Variants in NRXN3 observed in about 807,000 individuals in gnomAD.
The protein encoded by NRXN3 is neurexin III.
In NRXN3, 32 loss-of-function variants were observed where a neutral mutation model predicts 137.6. That is an observed-to-expected ratio of 0.23 (90% CI 0.18 to 0.31). The LOEUF is 0.31. Among genes scored for constraint, NRXN3 ranks in the 10% least tolerant of loss-of-function variants. The pLI, the probability that NRXN3 is intolerant of heterozygous loss-of-function variation, is 1.00. For synonymous variants in NRXN3, 798 were observed against 784.5 expected (o/e 1.02, Z -0.29); for missense variants, 1,574 against 2,062.5 (o/e 0.76, Z 4.59).
At chr14:78,944,340 C>G (rs1597717666) in intron 10 of NRXN3, among the ~76,000 whole-genome samples, 1 of 152,132 alleles carries the variant, frequency 6.6e-6, no homozygotes, top group East Asian at 1.9e-4. Flanking sequence ...TGCAGGGACT[C>G]AGGATTCGCT....
intron 6 of NRXN3, among the ~76,000 whole-genome samples, chr14:78,704,650 A>T (rs1205200232): frequency 6.6e-6 from 1 of 152,104 alleles, no homozygotes; most frequent in Non-Finnish European, 1.5e-5. Context: ...CCCTCTCTGG[A>T]GCATATCCTT....
intron 15 of NRXN3, among the ~76,000 whole-genome samples, chr14:79,445,987 A>G (rs924036928): frequency 6.6e-6 from 1 of 152,188 alleles, no homozygotes; most frequent in Admixed American, 6.5e-5. Context: ...TTAAAGATCC[A>G]TTTATTGATT....
intron 4 of NRXN3, among the ~76,000 whole-genome samples, chr14:78,634,152 C>T (rs2097547020): frequency 6.6e-6 from 1 of 152,260 alleles, no homozygotes; most frequent in South Asian, 2.1e-4. Context: ...ACTACCCCAT[C>T]ATAACAGATT....
chr14:79,707,179 A>G (rs2098783825), intron 19 of NRXN3, among the ~76,000 whole-genome samples: 1 of 152,220 alleles, frequency 6.6e-6, no homozygotes, highest in South Asian at 2.1e-4. Context: ...TCATCATTGG[A>G]CATTTAGAGC....
At chr14:79,851,262 C>T (rs1442213806) in intron 20 of NRXN3, among the ~76,000 whole-genome samples, 2 of 152,048 alleles carry the variant, frequency 1.3e-5, no homozygotes, top group East Asian at 1.9e-4. Context: ...TGAGACCGAC[C>T]ATATATGCAT....
At position 78,377,352 on chromosome 14, in the gene NRXN3, A is replaced by G. The variant is rs2088073855; in HGVS notation, c.757+79492A>G. On this transcript the variant is annotated intron_variant, in intron 4 of 20. Coordinates refer to ENST00000335750, the MANE Select transcript of NRXN3 (RefSeq NM_001330195.2). Reference sequence around the variant, plus strand: ...TGATAAAATGGTCAGTGTACCAAGAACACTGCAATCCTAAATGTACATGTA... The same window carrying G: ...TGATAAAATGGTCAGTGTACCAAGAGCACTGCAATCCTAAATGTACATGTA... Among the ~76,000 whole-genome samples the G allele has an allele frequency of 3.9e-5, 6 of 152,248 alleles. No homozygotes were observed. In the South Asian group the frequency reaches 1.2e-3, roughly 32 times the overall value.
chr14:79,166,195 G>A (rs1238887370), intron 15 of NRXN3, among the ~76,000 whole-genome samples: 1 of 151,914 alleles, frequency 6.6e-6, no homozygotes, highest in African/African-American at 2.4e-5. Context: ...CATGCTAGGT[G>A]GTCTGAAATC....
intron 15 of NRXN3, among the ~76,000 whole-genome samples, chr14:79,223,418 C>T (rs569575285): frequency 6.6e-6 from 1 of 152,230 alleles, no homozygotes; most frequent in South Asian, 2.1e-4. Flanking sequence ...TTTTAATATT[C>T]TCTTATCCTG....
chr14:78,289,812 G>C, intron 3 of NRXN3, among the ~76,000 whole-genome samples: 1 of 152,174 alleles, frequency 6.6e-6, no homozygotes, highest in East Asian at 1.9e-4. Context: ...CACTGGGAAG[G>C]CTGGGGCAGG....
At chr14:78,528,436 T>C (rs945743216) in intron 4 of NRXN3, among the ~76,000 whole-genome samples, 1 of 152,138 alleles carries the variant, frequency 6.6e-6, no homozygotes, top group Non-Finnish European at 1.5e-5. Flanking sequence ...GTAGCCAGGA[T>C]GTGGGATGTA....
At chr14:79,291,972 T>A (rs1209512099) in intron 15 of NRXN3, among the ~76,000 whole-genome samples, 1 of 152,172 alleles carries the variant, frequency 6.6e-6, no homozygotes, top group African/African-American at 2.4e-5. Flanking sequence ...TAATCTTTAC[T>A]GACCATCCTT....
At chr14:79,285,977 G>T (rs1055420121) in intron 15 of NRXN3, among the ~76,000 whole-genome samples, 4 of 150,390 alleles carry the variant, frequency 2.7e-5, no homozygotes, top group African/African-American at 9.8e-5. Context: ...CAGTGACAAT[G>T]GTTGCAATTT....
At chr14:78,295,759 GT>G (rs2076251880) in intron 3 of NRXN3, among the ~76,000 whole-genome samples, 1 of 152,134 alleles carries the variant, frequency 6.6e-6, no homozygotes, top group African/African-American at 2.4e-5. Context: ...GATGTAGATT[GT>G]CAGTGAAATA....
At chr14:78,447,338 C>T (rs1291062061) in intron 4 of NRXN3, among the ~76,000 whole-genome samples, 3 of 152,232 alleles carry the variant, frequency 2.0e-5, no homozygotes, top group Admixed American at 6.5e-5. Flanking sequence ...TTTAATCATA[C>T]ATTTTGACTG....
At chr14:78,743,602 C>T (rs1276554495) in intron 8 of NRXN3, among the ~76,000 whole-genome samples, 1 of 152,174 alleles carries the variant, frequency 6.6e-6, no homozygotes, top group Non-Finnish European at 1.5e-5. Context: ...TAACTCTTAT[C>T]ACATATCAGG....
intron 15 of NRXN3, among the ~76,000 whole-genome samples, chr14:79,041,393 A>G (rs1327698998): frequency 6.6e-6 from 1 of 152,234 alleles, no homozygotes; most frequent in East Asian, 1.9e-4. Context: ...GAGCAGATCC[A>G]TTATGACACC....
At chr14:79,800,871 A>C (rs1289734227) in intron 19 of NRXN3, among the ~76,000 whole-genome samples, 4 of 152,236 alleles carry the variant, frequency 2.6e-5, no homozygotes, top group Non-Finnish European at 5.9e-5. Context: ...TAAGCCGCTC[A>C]TATCATCCAA....
intron 10 of NRXN3, among the ~76,000 whole-genome samples, chr14:78,922,269 T>G (rs1428400994): frequency 1.3e-5 from 2 of 152,210 alleles, no homozygotes; most frequent in African/African-American, 4.8e-5. Flanking sequence ...TGGACCGAGC[T>G]TGTGAATAAA....
chr14:78,704,484 C>T (rs1164868575), intron 6 of NRXN3, among the ~76,000 whole-genome samples: 1 of 152,140 alleles, frequency 6.6e-6, no homozygotes, highest in Non-Finnish European at 1.5e-5. Flanking sequence ...TTTGAGGTGA[C>T]CCCTAAGCGG....
Sources: gnomAD v4.1 joint callset for allele counts (sites outside exome capture counted in the v4.1 genomes callset) on GRCh38, gnomAD v4.1.1 for gene constraint, MANE v1.5 for transcripts, NCBI Gene and HGNC (gene_info 2026-07-23, HGNC 2026-07-21) for gene names.